The following NAALADL2 variants were observed in gnomAD, a reference collection of about 807,000 sequenced individuals.
NAALADL2 encodes inactive N-acetylated-alpha-linked acidic dipeptidase-like protein 2.
A neutral mutation model predicts 87.2 loss-of-function variants in NAALADL2; 76 were observed. The ratio of observed to expected loss-of-function variants is 0.87; its 90% CI spans 0.72 to 1.05. NAALADL2 has a LOEUF of 1.05. NAALADL2 is among the 50% of genes least tolerant of loss of function. NAALADL2 has a pLI of 0.00. For missense variants in NAALADL2, 1,089 were observed against 945.8 expected (o/e 1.15, Z -1.99); for synonymous variants, 354 against 331.0 (o/e 1.07, Z -0.75).
chr3:175,629,084 T>A (rs1364005126), intron 11 of NAALADL2, among the ~76,000 whole-genome samples: 1 of 149,896 alleles, frequency 6.7e-6, no homozygotes, highest in African/African-American at 2.4e-5. Context: ...ACCTCCTTAG[T>A]ATTCAAAATC....
At chr3:175,472,835 C>A (rs2149296694) in intron 9 of NAALADL2, among the ~76,000 whole-genome samples, 1 of 152,236 alleles carries the variant, frequency 6.6e-6, no homozygotes, top group South Asian at 2.1e-4. Flanking sequence ...TTAATTTCTC[C>A]TGCTCTGTGT....
intron 11 of NAALADL2, among the ~76,000 whole-genome samples, chr3:175,699,001 G>T (rs932654474): frequency 2.0e-5 from 3 of 151,884 alleles, no homozygotes; most frequent in Non-Finnish European, 4.4e-5. Context: ...TAAAGTGTCT[G>T]GTTCTGTAAA....
At chr3:175,144,901 G>T (rs1730535215) in intron 2 of NAALADL2, among the ~76,000 whole-genome samples, 2 of 151,782 alleles carry the variant, frequency 1.3e-5, no homozygotes, top group African/African-American at 4.8e-5. Flanking sequence ...AGAGACTTTG[G>T]AATCCTGTAT....
chr3:174,870,549 TTG>T (rs2109606994), intron 1 of NAALADL2, among the ~76,000 whole-genome samples: 1 of 152,172 alleles, frequency 6.6e-6, no homozygotes, highest in Admixed American at 6.5e-5. Flanking sequence ...ACATTAGGGT[TTG>T]TGTCATTATC....
At chr3:175,651,832 A>G (rs1730803535) in intron 11 of NAALADL2, among the ~76,000 whole-genome samples, 1 of 152,240 alleles carries the variant, frequency 6.6e-6, no homozygotes. Flanking sequence ...CTGCACAACC[A>G]ATGTGTGCCA....
At chr3:174,996,290 G>T (rs1747443870) in intron 1 of NAALADL2, among the ~76,000 whole-genome samples, 1 of 152,094 alleles carries the variant, frequency 6.6e-6, no homozygotes, top group Admixed American at 6.5e-5. Context: ...GAGGTCAGGA[G>T]ATCGAGACCA....
intron 1 of NAALADL2, among the ~76,000 whole-genome samples, chr3:175,004,109 CTAATGCCTG>C (rs1748665252): frequency 6.6e-6 from 1 of 152,068 alleles, no homozygotes; most frequent in Non-Finnish European, 1.5e-5. Context: ...GGAATGGTAG[CTAATGCCTG>C]TAATCCCAGC....
intron 5 of NAALADL2, among the ~76,000 whole-genome samples, chr3:175,369,247 TGC>T (rs762732444): frequency 6.6e-6 from 1 of 152,074 alleles, no homozygotes; most frequent in Non-Finnish European, 1.5e-5. Flanking sequence ...TGTGCCTGTG[TGC>T]GCGTGTGTAT....
At chr3:175,547,606 A>G (rs1422314837) in intron 9 of NAALADL2, among the ~76,000 whole-genome samples, 1 of 152,144 alleles carries the variant, frequency 6.6e-6, no homozygotes, top group Non-Finnish European at 1.5e-5. Flanking sequence ...ATAAACTATC[A>G]TCAGCGTGAA....
intron 1 of NAALADL2, among the ~76,000 whole-genome samples, chr3:174,882,082 T>A (rs1729260734): frequency 6.6e-6 from 1 of 152,156 alleles, no homozygotes; most frequent in Admixed American, 6.6e-5. Flanking sequence ...AAAAGAAACT[T>A]CTTTCTTGTA....
At chr3:174,752,603 A>T (rs1005374642) in intron 3 of NAALADL2, among the ~76,000 whole-genome samples, 2 of 151,146 alleles carry the variant, frequency 1.3e-5, no homozygotes, top group African/African-American at 2.4e-5. Flanking sequence ...TTTATTTCAC[A>T]TAACCAGCTT....
chr3:174,953,646 C>T (rs1740743921), intron 1 of NAALADL2, among the ~76,000 whole-genome samples: 1 of 151,818 alleles, frequency 6.6e-6, no homozygotes, highest in South Asian at 2.1e-4. Context: ...TGCACGGTGT[C>T]TATTCCCTTG....
At chr3:175,667,205 A>G (rs1427166222) in intron 11 of NAALADL2, among the ~76,000 whole-genome samples, 2 of 119,750 alleles carry the variant, frequency 1.7e-5, no homozygotes, top group African/African-American at 5.0e-5. Context: ...GAAAGAAAGA[A>G]AGAAAGAAAG....
At chr3:175,406,151 A>T (rs1712340351) in intron 5 of NAALADL2, among the ~76,000 whole-genome samples, 1 of 152,220 alleles carries the variant, frequency 6.6e-6, no homozygotes, top group South Asian at 2.1e-4. Context: ...CCAAGGTAAT[A>T]GCTGCAAAAT....
intron 9 of NAALADL2, among the ~76,000 whole-genome samples, chr3:175,543,512 C>T (rs1288541214): frequency 1.3e-5 from 2 of 152,062 alleles, no homozygotes; most frequent in Non-Finnish European, 2.9e-5. Flanking sequence ...CTCACATGTC[C>T]ACATGGCTGG....
chr3:175,009,163 T>C (rs1003493166), intron 1 of NAALADL2, among the ~76,000 whole-genome samples: 2 of 152,114 alleles, frequency 1.3e-5, no homozygotes, highest in African/African-American at 4.8e-5. Flanking sequence ...CAGATTGGGA[T>C]AGGGGATAAG....
intron 2 of NAALADL2, among the ~76,000 whole-genome samples, chr3:174,588,481 C>T (rs1381543699): frequency 6.6e-6 from 1 of 152,176 alleles, no homozygotes; most frequent in Non-Finnish European, 1.5e-5. Context: ...AGCTTTTCTG[C>T]TCTGGTTTTT....
intron 5 of NAALADL2, among the ~76,000 whole-genome samples, chr3:175,402,577 G>A (rs949666574): frequency 2.0e-5 from 3 of 152,030 alleles, no homozygotes; most frequent in South Asian, 2.1e-4. Context: ...ATAAACAGGT[G>A]TATATAATTT....
chr3:175,487,460 A>T (rs77907800), intron 9 of NAALADL2: 27,535 of 452,396 alleles, frequency 0.061, 1,030 homozygotes, highest in Middle Eastern at 0.077. Flanking sequence ...ACAAATGAAC[A>T]TAATTTATTT....
Sources: gnomAD v4.1 joint callset for allele counts (sites outside exome capture counted in the v4.1 genomes callset) on GRCh38, gnomAD v4.1.1 for gene constraint, MANE v1.5 for transcripts, NCBI Gene and HGNC (gene_info 2026-07-23, HGNC 2026-07-21) for gene names.